The following RNF17 variants were observed in gnomAD, a reference collection of about 807,000 sequenced individuals.
RNF17 encodes ring finger protein 17, also known as spermatogenesis associated 23.
In RNF17, 31 loss-of-function variants were observed where a neutral mutation model predicts 200.5. The ratio of observed to expected loss-of-function variants is 0.15; its 90% CI spans 0.12 to 0.21. The LOEUF is 0.21. Ranked by LOEUF, RNF17 falls within the 10% of genes least tolerant of loss-of-function variation. The pLI, the probability that RNF17 is intolerant of heterozygous loss-of-function variation, is 1.00. For missense variants in RNF17, 1,628 were observed against 1,905.1 expected (o/e 0.85, Z 2.71); for synonymous variants, 606 against 637.8 (o/e 0.95, Z 0.75).
chr13:24,760,809 G>A (rs918397363), upstream of RNF17, among the ~76,000 whole-genome samples: 2 of 152,144 alleles, frequency 1.3e-5, no homozygotes, highest in Non-Finnish European at 2.9e-5. Flanking sequence ...AGTGAGCAAA[G>A]GACCTAAATA....
At position 24,874,200 on chromosome 13, in the gene RNF17, T is replaced by G; in HGVS notation, c.4534T>G (p.Leu1512Val). 6.2e-7 allele frequency: 1 copy of G among 1,609,506 alleles called. No individual in the cohort carries two copies. Among genetic ancestry groups the G allele is most frequent in the Non-Finnish European group, 8.5e-7 (1 of 1,177,838 alleles). ...TAAAGAATTTAATCCTTTATCTATC[T>G]TAGTACAATTTGTTGATTATGGATC... ...AIKEFNPLSI[L>V]VQFVDYGSTA... is the part of the protein sequence containing the mutation. Residue 1512 changes from leucine (L) to valine (V), a missense_variant, in exon 33 of 36, where the codon TTA (leucine) becomes GTA (valine). By Grantham distance (32) the Leu-to-Val change is conservative. Coordinates refer to ENST00000255324, the MANE Select transcript of RNF17 (RefSeq NM_031277.3).
At chr13:24,761,601 G>GA (rs1233712032), upstream of RNF17, among the ~76,000 whole-genome samples, 1 of 152,204 alleles carries the variant, frequency 6.6e-6, no homozygotes, top group African/African-American at 2.4e-5. Flanking sequence ...TAGAGCACTA[G>GA]AAAGGCACTG....
At chr13:24,885,639 A>T in the RNF17 span, 4 of 1,613,204 alleles carry the variant, frequency 2.5e-6, no homozygotes, top group Non-Finnish European at 3.4e-6. Context: ...AATCACGAGG[A>T]GGTGCAGACT....
rs1893480335 is a variant in RNF17, at chr13:24,865,085, A to G, written c.4101+87A>G. 5.2e-6 allele frequency: 5 copies of G among 968,804 alleles called. No individual in the cohort carries two copies. In the South Asian group the frequency reaches 5.9e-5, roughly 11 times the overall value. The allele number at this position is 968,804 out of a possible 1,614,324, so 60.0% of individuals were successfully genotyped here. ...TTTTGTCTTACACTGTGTCTTAAAT[A>G]TGATTCTACATATCTGATCTATTAA... On this transcript the variant is annotated intron_variant, in intron 29 of 35. Transcript: ENST00000255324.
At chr13:24,858,793 A>AG (rs1441227878) in intron 25 of RNF17, among the ~76,000 whole-genome samples, 1 of 151,954 alleles carries the variant, frequency 6.6e-6, no homozygotes, top group Non-Finnish European at 1.5e-5. Context: ...AGAGCTCCTT[A>AG]TGATGTTTGT....
intron 34 of RNF17, among the ~76,000 whole-genome samples, chr13:24,877,561 A>T (rs1014615866): frequency 2.0e-5 from 3 of 152,144 alleles, no homozygotes; most frequent in African/African-American, 7.2e-5. Flanking sequence ...GGGTGGGGGA[A>T]GCGTAAGAAG....
chr13:24,844,849 T>C (rs1323366105), intron 21 of RNF17, 47 bp downstream of exon 21: 1 of 1,583,418 alleles, frequency 6.3e-7, no homozygotes, highest in Non-Finnish European at 8.6e-7. Flanking sequence ...AATGAATGCA[T>C]TTTGTATTTT....
Position 24,874,160 on chromosome 13 carries a change from G to A in RNF17, c.4494G>A (p.Ala1498=). The A allele has an allele frequency of 1.2e-6, 2 of 1,611,806 alleles. No individual in the cohort carries two copies. Among genetic ancestry groups the A allele is most frequent in the Non-Finnish European group, 1.7e-6 (2 of 1,179,218 alleles). Residue 1498 remains alanine (A), a synonymous_variant, in exon 33 of 36, where the codon GCG becomes GCA. Coordinates refer to ENST00000255324, the MANE Select transcript of RNF17 (RefSeq NM_031277.3). Reference sequence around the variant, plus strand: ...ATGATGATGGCTTATGGTATAGAGCGAAGATTGTTGCCATTAAAGAATTTA... The same window carrying A: ...ATGATGATGGCTTATGGTATAGAGCAAAGATTGTTGCCATTAAAGAATTTA... ...AEYDDGLWYR[A]KIVAIKEFNP... is the part of the protein sequence containing the mutation.
chr13:24,767,505 T>C, intron 2 of RNF17, 139 bp downstream of exon 2: 1 of 590,250 alleles, frequency 1.7e-6, no homozygotes, highest in Non-Finnish European at 3.0e-6. Flanking sequence ...ATCCCAGCAC[T>C]TTTGGAGGCT....
chr13:24,792,993 T>C, intron 9 of RNF17, 49 bp from the exon 10 acceptor site: 2 of 1,250,564 alleles, frequency 1.6e-6, no homozygotes, highest in Non-Finnish European at 2.2e-6. Flanking sequence ...TTCATGGTTG[T>C]ACCATATACC....
intron 20 of RNF17, 70 bp from the exon 21 acceptor site, chr13:24,844,582 G>T: frequency 2.4e-6 from 3 of 1,254,074 alleles, no homozygotes; most frequent in Non-Finnish European, 2.2e-6. Context: ...AGCGGAGATT[G>T]TAGGAAACAT....
At chr13:24,853,663 T>C (rs980164159) in intron 24 of RNF17, among the ~76,000 whole-genome samples, 192 bp from the exon 25 acceptor site, 1 of 152,230 alleles carries the variant, frequency 6.6e-6, no homozygotes, top group Non-Finnish European at 1.5e-5. Flanking sequence ...TACTTAAATT[T>C]TTATTGCTTT....
At chr13:24,803,615 T>A (rs750229779) in intron 14 of RNF17, 1 of 152,238 alleles carries the variant, frequency 6.6e-6, no homozygotes, top group Non-Finnish European at 1.5e-5. Flanking sequence ...TAAGTAACCA[T>A]AGAGGTAGTC....
chr13:24,814,696 G>C (rs1593323876), intron 15 of RNF17, among the ~76,000 whole-genome samples: 1 of 152,216 alleles, frequency 6.6e-6, no homozygotes, highest in Middle Eastern at 3.4e-3. Context: ...TTTCTATTTT[G>C]TTCCATTTGT....
intron 15 of RNF17, among the ~76,000 whole-genome samples, chr13:24,810,133 G>A (rs925889662): frequency 5.1e-4 from 77 of 151,270 alleles, no homozygotes; most frequent in African/African-American, 1.8e-3. Context: ...TTGGGGTGGA[G>A]AGTTCTGTAG....
intron 31 of RNF17, among the ~76,000 whole-genome samples, chr13:24,869,557 C>T (rs955252686): frequency 6.6e-6 from 1 of 152,168 alleles, no homozygotes; most frequent in African/African-American, 2.4e-5. Context: ...TTGGCAGGGG[C>T]TGCAGAAACC....
At position 24,764,888 on chromosome 13, in the gene RNF17, G is replaced by GGTGTGGGTGTGTGTGTGTGT. The variant is rs1555262370; in HGVS notation, c.130+560_130+561insGGTGTGTGTGTGTGTGTGTG. ...ATAGTTTCTTTTGTGCACCTTGTGG[G>GGTGTGGGTGTGTGTGTGTGT]GTGTGTGTGTGTGTGTGTGTGTGTG... On this transcript the variant is annotated intron_variant, in intron 1 of 35. Transcript: ENST00000255324. 3.0e-5 allele frequency among the ~76,000 whole-genome samples: 4 copies of GGTGTGGGTGTGTGTGTGTGT among 134,174 alleles called. No individual in the cohort carries two copies. In the East Asian group the frequency reaches 8.2e-4, roughly 27 times the overall value. 88.0% of individuals were successfully genotyped at this position (134,174 alleles called of 152,430 possible).
At chr13:24,850,281 G>T in intron 22 of RNF17, 60 bp from the exon 23 acceptor site, 1 of 1,061,704 alleles carries the variant, frequency 9.4e-7, no homozygotes, top group East Asian at 2.5e-5. Flanking sequence ...AGTGTTTTTT[G>T]TATATTTCAA....
intron 11 of RNF17, among the ~76,000 whole-genome samples, chr13:24,797,594 C>G (rs955317327): frequency 1.3e-4 from 20 of 152,068 alleles, no homozygotes; most frequent in African/African-American, 4.1e-4. Context: ...TGGGTTTTTT[C>G]AGGTACTCTG....
Sources: allele counts gnomAD v4.1 joint callset (sites outside exome capture counted in the v4.1 genomes callset), GRCh38; gene constraint gnomAD v4.1.1; transcripts MANE v1.5; gene names NCBI Gene and HGNC (gene_info 2026-07-23, HGNC 2026-07-21).